The following MYT1L variants were observed in gnomAD, a reference collection of about 807,000 sequenced individuals.
MYT1L encodes the protein myelin transcription factor 1-like protein.
MYT1L carries 12 observed loss-of-function variants against 126.7 expected under a neutral mutation model. That is an observed-to-expected ratio of 0.09 (90% CI 0.06 to 0.15). The LOEUF is 0.15. Among genes scored for constraint, MYT1L ranks in the 10% least tolerant of loss-of-function variants. MYT1L has a pLI of 1.00. For missense variants in MYT1L, 979 were observed against 1,585.2 expected, an observed-to-expected ratio of 0.62 and a Z score of 6.49; for synonymous variants, 541 against 604.2, an observed-to-expected ratio of 0.90 and a Z score of 1.53.
chr2:1,895,916 G>A (rs2049505195), intron 14 of MYT1L, among the ~76,000 whole-genome samples: 1 of 152,142 alleles, frequency 6.6e-6, no homozygotes, highest in Non-Finnish European at 1.5e-5. Flanking sequence ...TACAGAATAG[G>A]AGAAGATATT....
intron 5 of MYT1L, among the ~76,000 whole-genome samples, chr2:1,993,229 G>A (rs1212974764): frequency 1.3e-5 from 2 of 152,190 alleles, no homozygotes. Context: ...CTGGGCAGCA[G>A]GCAAGGTGAA....
At chr2:2,191,090 G>T (rs1481661626) in intron 2 of MYT1L, among the ~76,000 whole-genome samples, 1 of 152,178 alleles carries the variant, frequency 6.6e-6, no homozygotes, top group African/African-American at 2.4e-5. Context: ...TGGCTGTCCA[G>T]GTTGTTTTAA....
At chr2:1,867,824 C>T (rs1218739712) in intron 18 of MYT1L, among the ~76,000 whole-genome samples, 3 of 152,160 alleles carry the variant, frequency 2.0e-5, no homozygotes, top group Non-Finnish European at 4.4e-5. Flanking sequence ...AGCTATTCTC[C>T]ATTAATTTGT....
intron 3 of MYT1L, among the ~76,000 whole-genome samples, chr2:2,115,543 CTT>C (rs144421045): frequency 0.015 from 2,361 of 152,336 alleles, 59 homozygotes; most frequent in African/African-American, 0.054. Context: ...CAGAATGCAA[CTT>C]TTGCCAAATG....
At chr2:1,805,942 G>A (rs765598720) in intron 22 of MYT1L, among the ~76,000 whole-genome samples, 1 of 152,132 alleles carries the variant, frequency 6.6e-6, no homozygotes, top group Non-Finnish European at 1.5e-5. Flanking sequence ...GGAACACAGA[G>A]CTTCAGATGC....
intron 2 of MYT1L, among the ~76,000 whole-genome samples, chr2:2,191,953 C>T (rs1196744928): frequency 6.6e-6 from 1 of 152,222 alleles, no homozygotes. Flanking sequence ...CCTACGTTAT[C>T]CATACAGATG....
chr2:2,145,889 G>T (rs1286324225), intron 3 of MYT1L, among the ~76,000 whole-genome samples: 1 of 152,184 alleles, frequency 6.6e-6, no homozygotes, highest in African/African-American at 2.4e-5. Context: ...TTTATAAAAT[G>T]ATTGTTTCAA....
At chr2:1,891,981 C>G (rs764142987) in intron 15 of MYT1L, 56 bp downstream of exon 15, 16 of 1,453,464 alleles carry the variant, frequency 1.1e-5, no homozygotes, top group Non-Finnish European at 1.8e-6. Context: ...GTGGCTGGGT[C>G]CGCGGCCCGG....
chr2:1,846,891 C>T (rs752281879), intron 19 of MYT1L, among the ~76,000 whole-genome samples: 1 of 152,190 alleles, frequency 6.6e-6, no homozygotes, highest in African/African-American at 2.4e-5. Context: ...ATTTTGGCAG[C>T]GGGACCTGAG....
At chr2:2,094,925 A>T (rs1212994398) in intron 3 of MYT1L, among the ~76,000 whole-genome samples, 3 of 152,216 alleles carry the variant, frequency 2.0e-5, no homozygotes, top group African/African-American at 7.2e-5. Flanking sequence ...GTATATAAAA[A>T]AAAGATTATC....
intron 2 of MYT1L, among the ~76,000 whole-genome samples, chr2:2,268,794 G>A (rs1294646158): frequency 2.6e-5 from 4 of 152,020 alleles, no homozygotes; most frequent in South Asian, 4.1e-4. Context: ...TCCCTGCCTC[G>A]AAATCAAGAA....
In MYT1L at chr2:1,887,755, C is replaced by T; in HGVS notation, c.2521-146G>A. On this transcript the variant is annotated intron_variant, in intron 16 of 24. Coordinates refer to ENST00000647738, the MANE Select transcript of MYT1L (RefSeq NM_001303052.2). This position sits in a 1 kb window ranked among gnomAD's most constrained non-coding sequence, Gnocchi z 4.8. ...AGATCCTTTTGGTCCTGATAACGCC[C>T]CTACTGAAAATGCATATTGAACTTT... is the stretch of plus-strand genomic sequence containing the variant. 1.0e-6 allele frequency: 1 copy of T among 953,326 alleles called. No homozygotes were observed. 59.1% of individuals were successfully genotyped at this position (953,326 alleles called of 1,614,324 possible). A position where few individuals can be genotyped will look rare whatever the true frequency, so the allele number is the denominator to read the frequency against.
chr2:2,156,874 G>A (rs2086813004), intron 3 of MYT1L, among the ~76,000 whole-genome samples: 1 of 152,348 alleles, frequency 6.6e-6, no homozygotes, highest in African/African-American at 2.4e-5. Flanking sequence ...GAGGTCTCGA[G>A]GGAGACTGAG....
In MYT1L at chr2:2,052,150, C is replaced by T. The variant is rs189990007; in HGVS notation, c.-158+1828G>A. 8.1e-4 allele frequency among the ~76,000 whole-genome samples: 123 copies of T among 152,246 alleles called. 1 individual carries two copies. Among genetic ancestry groups the T allele is most frequent in the African/African-American group, 6.0e-4 (25 of 41,552 alleles). On this transcript the variant is annotated intron_variant, in intron 4 of 24. Coordinates refer to ENST00000647738, the MANE Select transcript of MYT1L (RefSeq NM_001303052.2). ...ACCCAGAAATAAATTCTTGCATATA[C>T]GGTCAAATGATTTTTGACAAGGGTG...
chr2:1,813,816 A>T (rs910927230), intron 21 of MYT1L, among the ~76,000 whole-genome samples: 1 of 137,806 alleles, frequency 7.3e-6, no homozygotes, highest in African/African-American at 2.7e-5. Flanking sequence ...TCACGCGGTC[A>T]GGAGATCGAG....
chr2:2,237,222 T>TAGCTCCCTTCCC, intron 2 of MYT1L, among the ~76,000 whole-genome samples: 1 of 152,262 alleles, frequency 6.6e-6, no homozygotes, highest in Admixed American at 6.5e-5. Context: ...CCTCCCTTCC[T>TAGCTCCCTTCCC]AGCTCCCTTC....
intron 1 of MYT1L, among the ~76,000 whole-genome samples, chr2:2,302,889 G>A (rs1481698449): frequency 6.6e-6 from 1 of 152,062 alleles, no homozygotes; most frequent in African/African-American, 2.4e-5. Context: ...GGCACTTTTG[G>A]CTTTTAGTAC....
intron 1 of MYT1L, among the ~76,000 whole-genome samples, chr2:2,321,168 C>T (rs550346530): frequency 4.3e-4 from 66 of 152,256 alleles, no homozygotes; most frequent in African/African-American, 1.6e-3. Flanking sequence ...GTGCCTGGCC[C>T]TCAAGACATA....
intron 1 of MYT1L, among the ~76,000 whole-genome samples, chr2:2,295,579 G>C (rs142124895): frequency 5.3e-5 from 7 of 131,362 alleles, no homozygotes; most frequent in East Asian, 2.4e-4. Context: ...GAGAGAGAGA[G>C]AGAGACAGAC....
Sources: gnomAD v4.1 joint callset for allele counts (sites outside exome capture counted in the v4.1 genomes callset) on GRCh38, gnomAD v4.1.1 for gene constraint, Gnocchi (gnomAD v3.1) non-coding constraint, MANE v1.5 for transcripts, NCBI Gene and HGNC (gene_info 2026-07-23, HGNC 2026-07-21) for gene names.